The following RAB31 variants were observed in gnomAD, a reference collection of about 807,000 sequenced individuals.
RAB31 encodes the protein RAB31, member RAS oncogene family.
In RAB31, 21 loss-of-function variants were observed where a neutral mutation model predicts 25.6. That is an observed-to-expected ratio of 0.82 (90% confidence interval 0.58 to 1.18). RAB31 has a LOEUF of 1.18. Ranked by LOEUF, RAB31 falls within the 50% of genes most tolerant of loss-of-function variation. The pLI is 0.00. For synonymous variants in RAB31, 87 were observed against 84.0 expected, an observed-to-expected ratio of 1.04 and a Z score of -0.20; for missense variants, 196 against 250.1, an observed-to-expected ratio of 0.78 and a Z score of 1.46.
Position 9,774,420 on chromosome 18 carries a change from C to G in RAB31, c.40-858C>G, listed in dbSNP as rs2068361608. Among the ~76,000 whole-genome samples, 3 of 152,148 alleles carry G rather than the reference C, an allele frequency of 2.0e-5. No individual in the cohort carries two copies. In the South Asian group the frequency reaches 6.2e-4, roughly 32 times the overall value. On this transcript the variant is annotated intron_variant, in intron 1 of 6. Transcript: ENST00000578921. ...GCCTTTCAACTGATCTGTTTTCAGC[C>G]CTCCATTGCTTGATGTTTCCTGAGG... is the stretch of plus-strand genomic sequence containing the variant.
At chr18:9,829,196 C>T (rs1276320382) in intron 5 of RAB31, among the ~76,000 whole-genome samples, 1 of 152,126 alleles carries the variant, frequency 6.6e-6, no homozygotes, top group Non-Finnish European at 1.5e-5. Context: ...TTCTCTCCAC[C>T]CAGAAGTAAC....
At chr18:9,724,270 C>CAAAA (rs762384582) in intron 1 of RAB31, among the ~76,000 whole-genome samples, 5 of 35,696 alleles carry the variant, frequency 1.4e-4, no homozygotes, top group East Asian at 1.2e-3. Flanking sequence ...GACTCCGTCT[C>CAAAA]AAAAAAAAAA....
At chr18:9,735,928 C>T (rs973486606) in intron 1 of RAB31, among the ~76,000 whole-genome samples, 1 of 152,148 alleles carries the variant, frequency 6.6e-6, no homozygotes, top group African/African-American at 2.4e-5. Context: ...TCTTGAACTC[C>T]TGAGTACAAG....
intron 1 of RAB31, among the ~76,000 whole-genome samples, chr18:9,747,260 A>T (rs1568168399): frequency 6.6e-6 from 1 of 152,202 alleles, no homozygotes. Context: ...GTTGGCGAGG[A>T]TGTGCAGAGA....
chr18:9,849,664 T>TG (rs1171096597), intron 6 of RAB31: 1 of 152,236 alleles, frequency 6.6e-6, no homozygotes, highest in Non-Finnish European at 1.5e-5. Flanking sequence ...GAGGTTACTA[T>TG]GGGGCGAGGG....
rs1395835754 is a variant in RAB31 at position 9,845,650 on chromosome 18, CA to C, written c.455del (p.Asn152MetfsTer54). 1 of 1,566,324 alleles carries C rather than the reference CA, an allele frequency of 6.4e-7. No homozygotes were observed. Among genetic ancestry groups the C allele is most frequent in the Admixed American group, 1.9e-5 (1 of 52,420 alleles). ...SIGAIVVETSAKNAINIEELF... is the reference protein window; with the variant it reads ...SIGAIVVETSXKNAINIEELF... The stretch of plus-strand genomic sequence containing the variant: ...GGTGCCATCGTGGTTGAGACAAGTG[CA>C]AAAAATGCTATTAATATCGAAGAGC... On this transcript the variant is annotated frameshift_variant, in exon 6 of 7. Coordinates refer to ENST00000578921, the MANE Select transcript of RAB31 (RefSeq NM_006868.4). LOFTEE classifies it high-confidence loss of function.
At chr18:9,729,773 G>A (rs1350773182) in intron 1 of RAB31, among the ~76,000 whole-genome samples, 2 of 151,564 alleles carry the variant, frequency 1.3e-5, no homozygotes, top group East Asian at 3.9e-4. Context: ...ATGTGTATGT[G>A]TGTCTGTTTT....
intron 2 of RAB31, among the ~76,000 whole-genome samples, chr18:9,782,027 C>T (rs1162613081): frequency 6.6e-6 from 1 of 152,212 alleles, no homozygotes; most frequent in Non-Finnish European, 1.5e-5. Context: ...CTTGAAAAAT[C>T]AGTGGGTTTG....
chr18:9,830,916 G>C (rs1017060163), intron 5 of RAB31, among the ~76,000 whole-genome samples: 7 of 152,122 alleles, frequency 4.6e-5, no homozygotes, highest in African/African-American at 1.4e-4. Context: ...TAGACACCCA[G>C]TTGTCTCAGC....
chr18:9,788,893 C>T (rs2068446430), intron 2 of RAB31, among the ~76,000 whole-genome samples: 1 of 152,222 alleles, frequency 6.6e-6, no homozygotes, highest in Admixed American at 6.5e-5. Context: ...TCGCATGAAC[C>T]TGGGATATAG....
intron 1 of RAB31, among the ~76,000 whole-genome samples, chr18:9,734,195 A>G (rs1406164327): frequency 6.6e-6 from 1 of 152,080 alleles, no homozygotes; most frequent in Non-Finnish European, 1.5e-5. Flanking sequence ...CGCACTCTAT[A>G]TACTGACACT....
At chr18:9,712,725 TGTGC>T (rs2068023857) in intron 1 of RAB31, among the ~76,000 whole-genome samples, 4 of 151,806 alleles carry the variant, frequency 2.6e-5, no homozygotes, top group East Asian at 1.9e-4. Flanking sequence ...GGGGTATTTG[TGTGC>T]GTGCACTTAA....
chr18:9,811,232 A>G (rs1050364103), intron 3 of RAB31, among the ~76,000 whole-genome samples: 2 of 152,112 alleles, frequency 1.3e-5, no homozygotes, highest in South Asian at 2.1e-4. Context: ...GCTTCGTCCA[A>G]CCTTCTCCCT....
intron 1 of RAB31, among the ~76,000 whole-genome samples, chr18:9,768,608 A>T (rs1444094943): frequency 2.0e-5 from 3 of 152,030 alleles, no homozygotes; most frequent in African/African-American, 4.8e-5. Context: ...CCTTTGTCAG[A>T]TGGATAGATT....
chr18:9,741,014 C>T (rs1357353339), intron 1 of RAB31, among the ~76,000 whole-genome samples: 1 of 152,062 alleles, frequency 6.6e-6, no homozygotes, highest in Non-Finnish European at 1.5e-5. Context: ...CTTGGGAAAA[C>T]CCCTGGCAGG....
At chr18:9,729,698 A>G (rs1387260950) in intron 1 of RAB31, among the ~76,000 whole-genome samples, 1 of 140,538 alleles carries the variant, frequency 7.1e-6, no homozygotes, top group African/African-American at 2.7e-5. Context: ...AATACCATGT[A>G]TTGATTAATT....
At chr18:9,841,000 T>TC (rs1316575698) in intron 5 of RAB31, among the ~76,000 whole-genome samples, 1 of 152,210 alleles carries the variant, frequency 6.6e-6, no homozygotes, top group East Asian at 1.9e-4. Context: ...CAATCATAGC[T>TC]CACTGCAGCC....
In RAB31 at chr18:9,846,879, G is replaced by T. The variant is rs561418025; in HGVS notation, c.490+1188G>T. Among the ~76,000 whole-genome samples the T allele has an allele frequency of 1.1e-4, 17 of 152,318 alleles. No individual in the cohort carries two copies. The South Asian group carries it at 3.1e-3, about 28-fold the overall frequency. ...ATGCAAAAGAAATGTGCAAAAGAAT[G>T]GCTTGGAGCCTCCCCTCCCCAGCTG... On this transcript the variant is annotated intron_variant, in intron 6 of 6. Coordinates refer to ENST00000578921, the MANE Select transcript of RAB31 (RefSeq NM_006868.4).
chr18:9,829,096 TAA>T (rs2068664436), intron 5 of RAB31, among the ~76,000 whole-genome samples: 1 of 152,180 alleles, frequency 6.6e-6, no homozygotes, highest in Non-Finnish European at 1.5e-5. Context: ...GAAGAATATA[TAA>T]AACAAGCATA....
Sources: allele counts gnomAD v4.1 joint callset (sites outside exome capture counted in the v4.1 genomes callset), GRCh38; gene constraint gnomAD v4.1.1; transcripts MANE v1.5; gene names NCBI Gene and HGNC (gene_info 2026-07-23, HGNC 2026-07-21).